The following ERO1A variants were observed in gnomAD, a reference collection of about 807,000 sequenced individuals.
ERO1A encodes the protein endoplasmic reticulum oxidoreductase 1 alpha, also known as ERO1-like protein alpha.
ERO1A carries 49 observed loss-of-function variants against 76.9 expected under a neutral mutation model. The observed-to-expected ratio is 0.64, with a 90% CI of 0.51 to 0.81. ERO1A has a LOEUF of 0.81. ERO1A is among the 30% of genes least tolerant of loss of function. The pLI is 0.00. For missense variants in ERO1A, 448 were observed against 542.1 expected (o/e 0.83, Z 1.72); for synonymous variants, 174 against 181.2 (o/e 0.96, Z 0.32).
chr14:52,678,700 G>A (rs1018196876), intron 3 of ERO1A, among the ~76,000 whole-genome samples: 7 of 152,198 alleles, frequency 4.6e-5, no homozygotes, highest in African/African-American at 1.4e-4. Context: ...GCAAGGAGAT[G>A]TAAAAATAAT....
chr14:52,663,884 A>C, intron 7 of ERO1A, 37 bp from the exon 8 acceptor site: 3 of 1,164,582 alleles, frequency 2.6e-6, no homozygotes, highest in Non-Finnish European at 3.8e-6. Flanking sequence ...CAACACAAAT[A>C]TGTTACCAAT....
At chr14:52,674,339 T>C (rs947670618) in intron 4 of ERO1A, among the ~76,000 whole-genome samples, 1 of 152,146 alleles carries the variant, frequency 6.6e-6, no homozygotes, top group South Asian at 2.1e-4. Flanking sequence ...ACTATGGGCA[T>C]GCACCACCAC....
rs370667870 is a variant in ERO1A, at chr14:52,670,957, T to C, written c.508+673A>G. The stretch of plus-strand genomic sequence containing the variant: ...ATCACCACTATCTGTTGCCAGAACT[T>C]TTCCAGCACCTCAAACAGAAACTCT... On this transcript the variant is annotated intron_variant, in intron 6 of 15. Coordinates refer to ENST00000395686, the MANE Select transcript of ERO1A (RefSeq NM_014584.3). 1.3e-4 allele frequency among the ~76,000 whole-genome samples: 20 copies of C among 152,324 alleles called. No homozygotes were observed. The East Asian group carries it at 2.9e-3, about 22-fold the overall frequency.
At chr14:52,653,864 C>T (rs564215216) in intron 11 of ERO1A, among the ~76,000 whole-genome samples, 1 of 152,102 alleles carries the variant, frequency 6.6e-6, no homozygotes, top group Non-Finnish European at 1.5e-5. Flanking sequence ...TGTGGTCTCT[C>T]TGCCTGCAAA....
intron 1 of ERO1A, among the ~76,000 whole-genome samples, chr14:52,684,150 C>CACACACAG (rs879218530): frequency 0.086 from 12,019 of 139,156 alleles, 585 homozygotes; most frequent in East Asian, 0.18. Flanking sequence ...CACACACACA[C>CACACACAG]AGAGAGAGTT....
rs2040333949 is a variant in ERO1A, at chr14:52,664,420, T to C, written c.630-573A>G. Among the ~76,000 whole-genome samples, 3 of 152,120 alleles carry C rather than the reference T, an allele frequency of 2.0e-5. No individual in the cohort carries two copies. In the South Asian group the frequency reaches 6.2e-4, roughly 32 times the overall value. ...ACTATGTCATTAAAGTGCTTTTAAATCCCAAAATAAATACGCGTTAGTATT... is the reference window on the plus strand; with the variant it reads ...ACTATGTCATTAAAGTGCTTTTAAACCCCAAAATAAATACGCGTTAGTATT... On this transcript the variant is annotated intron_variant, in intron 7 of 15. Transcript: ENST00000395686.
chr14:52,677,985 G>A (rs2040857360), intron 4 of ERO1A, among the ~76,000 whole-genome samples: 1 of 150,936 alleles, frequency 6.6e-6, no homozygotes, highest in African/African-American at 2.4e-5. Context: ...TGCTAAACAG[G>A]CCGGACGCGG....
At chr14:52,665,418 C>G (rs1472724070) in intron 7 of ERO1A, among the ~76,000 whole-genome samples, 2 of 151,176 alleles carry the variant, frequency 1.3e-5, no homozygotes, top group Admixed American at 6.6e-5. Context: ...TAAAAACTCT[C>G]TACTTTCCAA....
intron 6 of ERO1A, among the ~76,000 whole-genome samples, chr14:52,667,634 G>C (rs367873915): frequency 6.6e-6 from 1 of 151,998 alleles, no homozygotes; most frequent in Non-Finnish European, 1.5e-5. Context: ...AGGTGGGAAA[G>C]TCACTTGAGC....
chr14:52,657,512 C>T (rs949033615), intron 11 of ERO1A, among the ~76,000 whole-genome samples: 1 of 152,156 alleles, frequency 6.6e-6, no homozygotes, highest in South Asian at 2.1e-4. Flanking sequence ...TCATTTTCAA[C>T]AGTATTAAGG....
chr14:52,648,319 T>C (rs866565314), intron 13 of ERO1A, among the ~76,000 whole-genome samples: 24 of 152,138 alleles, frequency 1.6e-4, no homozygotes, highest in African/African-American at 5.1e-4. Context: ...AACTAGAGCA[T>C]TGACCAAAAC....
chr14:52,670,811 A>AT (rs1305911500), intron 6 of ERO1A, among the ~76,000 whole-genome samples: 2 of 152,222 alleles, frequency 1.3e-5, no homozygotes, highest in African/African-American at 2.4e-5. Context: ...TAAGAGGTAC[A>AT]TTTTTTCTAG....
rs553263538 is a variant in ERO1A at position 52,653,164 on chromosome 14, T to C, written c.960A>G (p.Pro320=). The change falls in exon 12 of 16, where the codon CCA becomes CCG. Residue 320 remains proline (P), a synonymous_variant. Transcript: ENST00000395686. ...IELRALSKVL[P]FFERPDFQLF... is the part of the protein sequence containing the mutation. ...GTTGAAAATCTGGGCGCTCGAAGAA[T>C]GGTAACACTTTGGATAAAGCCCTTA... is the stretch of plus-strand genomic sequence containing the variant. The C allele has an allele frequency of 1.2e-5, 20 of 1,613,656 alleles. No individual in the cohort carries two copies. In the South Asian group the frequency reaches 1.8e-4, roughly 14 times the overall value.
intron 12 of ERO1A, 89 bp from the exon 13 acceptor site, chr14:52,652,397 A>T: frequency 1.2e-6 from 1 of 842,796 alleles, no homozygotes; most frequent in South Asian, 1.6e-5. Context: ...CATGATAAAT[A>T]AAGAGGAGAA....
intron 1 of ERO1A, among the ~76,000 whole-genome samples, chr14:52,689,634 G>T (rs1358802922): frequency 6.6e-6 from 1 of 151,972 alleles, no homozygotes; most frequent in Non-Finnish European, 1.5e-5. Flanking sequence ...AAAAACTGAA[G>T]ATTACACAAA....
chr14:52,651,390 CA>C (rs2039861859), intron 13 of ERO1A, among the ~76,000 whole-genome samples: 1 of 149,452 alleles, frequency 6.7e-6, no homozygotes. Flanking sequence ...TTCTCTTCAG[CA>C]AAAGATAGAC....
intron 6 of ERO1A, among the ~76,000 whole-genome samples, chr14:52,670,705 C>T (rs560027787): frequency 6.6e-6 from 1 of 152,304 alleles, no homozygotes; most frequent in African/African-American, 2.4e-5. Flanking sequence ...AGCAATGTAA[C>T]TGAAGCAGAT....
intron 11 of ERO1A, among the ~76,000 whole-genome samples, chr14:52,655,775 C>T (rs1176021247): frequency 6.6e-6 from 1 of 151,702 alleles, no homozygotes; most frequent in African/African-American, 2.4e-5. Context: ...TTAGATTAAA[C>T]CATTTTCTGG....
intron 1 of ERO1A, among the ~76,000 whole-genome samples, chr14:52,691,042 C>T (rs373208888): frequency 8.2e-4 from 125 of 152,322 alleles, no homozygotes; most frequent in African/African-American, 2.8e-3. Flanking sequence ...GTTGGAATTA[C>T]AGGCGTAAGC....
Sources: gnomAD v4.1 joint callset for allele counts (sites outside exome capture counted in the v4.1 genomes callset) on GRCh38, gnomAD v4.1.1 for gene constraint, MANE v1.5 for transcripts, NCBI Gene and HGNC (gene_info 2026-07-23, HGNC 2026-07-21) for gene names.